Variants in CCSER1 observed in about 807,000 individuals in gnomAD.
CCSER1 encodes the protein coiled-coil serine rich protein 1, also known as serine-rich coiled-coil domain-containing protein 1.
CCSER1 carries 41 observed loss-of-function variants against 82.0 expected under a neutral mutation model. The observed-to-expected ratio is 0.50, with a 90% confidence interval of 0.39 to 0.65. The LOEUF (loss-of-function observed/expected upper bound fraction) is 0.65. Among genes scored for constraint, CCSER1 ranks in the 30% least tolerant of loss-of-function variants. CCSER1 has a pLI of 0.00. For synonymous variants in CCSER1, 414 were observed against 383.9 expected, an observed-to-expected ratio of 1.08 and a Z score of -0.92; for missense variants, 1,119 against 1,064.2, an observed-to-expected ratio of 1.05 and a Z score of -0.72.
intron 1 of CCSER1, among the ~76,000 whole-genome samples, chr4:90,239,148 A>G (rs1746365735): frequency 6.6e-6 from 1 of 152,184 alleles, no homozygotes; most frequent in South Asian, 2.1e-4. Context: ...GTGCCCAGCC[A>G]GAAAGTTTTA....
intron 1 of CCSER1, among the ~76,000 whole-genome samples, chr4:90,239,666 G>A (rs1019603223): frequency 3.9e-5 from 6 of 151,990 alleles, no homozygotes; most frequent in African/African-American, 1.5e-4. Context: ...TTTTGTAAAT[G>A]TGGGCTCTTG....
intron 5 of CCSER1, among the ~76,000 whole-genome samples, chr4:90,546,234 G>A (rs1776728933): frequency 6.6e-6 from 1 of 152,074 alleles, no homozygotes; most frequent in South Asian, 2.1e-4. Context: ...GTGGATACTG[G>A]TATGACTAAA....
chr4:90,898,978 T>TA (rs1450755780), intron 8 of CCSER1, among the ~76,000 whole-genome samples: 8 of 152,180 alleles, frequency 5.3e-5, no homozygotes, highest in African/African-American at 1.4e-4. Context: ...TAATTCTGTA[T>TA]AAAATGACAT....
Position 90,490,299 on chromosome 4 carries a change from T to C in CCSER1, c.1724+21945T>C, listed in dbSNP as rs554981121. ...GATGATGAGCATTTTTTCATGTGTC[T>C]TTTGGCTGCATAAATGTCTTCTTTT... is the stretch of plus-strand genomic sequence containing the variant. On this transcript the variant is annotated intron_variant, in intron 5 of 10. Transcript: ENST00000509176. Among the ~76,000 whole-genome samples the C allele has an allele frequency of 1.7e-3, 261 of 152,354 alleles. 1 individual carries two copies. Among genetic ancestry groups the C allele is most frequent in the African/African-American group, 6.1e-3 (253 of 41,582 alleles).
intron 5 of CCSER1, among the ~76,000 whole-genome samples, chr4:90,510,093 T>G (rs1014934353): frequency 1.3e-5 from 2 of 152,274 alleles, no homozygotes; most frequent in Admixed American, 6.5e-5. Flanking sequence ...CATTGGAACA[T>G]AAGATATGAT....
intron 10 of CCSER1, among the ~76,000 whole-genome samples, chr4:91,517,903 G>T (rs551631148): frequency 5.2e-4 from 71 of 135,878 alleles, no homozygotes; most frequent in African/African-American, 1.8e-3. Context: ...GGTTTCACAG[G>T]GGGGGTATGA....
intron 10 of CCSER1, among the ~76,000 whole-genome samples, chr4:91,146,476 G>A (rs528284264): frequency 6.6e-6 from 1 of 152,190 alleles, no homozygotes; most frequent in Admixed American, 6.5e-5. Context: ...TGCAATTTTT[G>A]CAGGTAAGGA....
At chr4:91,438,725 A>AC (rs1754870675) in intron 10 of CCSER1, among the ~76,000 whole-genome samples, 3 of 152,262 alleles carry the variant, frequency 2.0e-5, no homozygotes, top group African/African-American at 7.2e-5. Flanking sequence ...AAAGAAGTAA[A>AC]ACTTTCAAAA....
chr4:91,538,698 C>CATATATTATATATATATATATATATAAT, intron 10 of CCSER1, among the ~76,000 whole-genome samples: 4 of 138,340 alleles, frequency 2.9e-5, no homozygotes, highest in African/African-American at 1.1e-4. Flanking sequence ...TATATATACA[C>CATATATTATATATATATATATATATAAT]ATATATATAT....
chr4:90,462,567 A>AAAACAAAC (rs151197323), intron 4 of CCSER1, among the ~76,000 whole-genome samples: 2,446 of 152,148 alleles, frequency 0.016, 66 homozygotes, highest in African/African-American at 0.056. Flanking sequence ...GTTGACATAT[A>AAAACAAAC]AAACAAACAA....
chr4:91,585,195 G>T (rs1264308476), intron 10 of CCSER1, among the ~76,000 whole-genome samples: 1 of 151,420 alleles, frequency 6.6e-6, no homozygotes, highest in Non-Finnish European at 1.5e-5. Context: ...GTAGTTCTCA[G>T]AATAGGTCTC....
chr4:90,600,366 T>C (rs990744207), intron 5 of CCSER1, among the ~76,000 whole-genome samples: 1 of 152,148 alleles, frequency 6.6e-6, no homozygotes, highest in African/African-American at 2.4e-5. Flanking sequence ...CTTTTTAGTT[T>C]TAGCCTTTTA....
At chr4:90,444,080 A>G (rs1164730395) in intron 4 of CCSER1, among the ~76,000 whole-genome samples, 1 of 152,024 alleles carries the variant, frequency 6.6e-6, no homozygotes, top group African/African-American at 2.4e-5. Context: ...GGTAAAGAAT[A>G]CTATAAAGTT....
Position 90,301,684 on chromosome 4 carries a change from A to G in CCSER1, c.-41-6560A>G, listed in dbSNP as rs751421403. ...GGTCTAGTTCAACCTTCATATTTTT[A>G]AGACCTATTATTATTAAAGTGACTA... On this transcript the variant is annotated intron_variant, in intron 1 of 10. Coordinates refer to ENST00000509176, the MANE Select transcript of CCSER1 (RefSeq NM_001145065.2). Among the ~76,000 whole-genome samples, 22 of 152,148 alleles carry G rather than the reference A, an allele frequency of 1.4e-4. 1 individual carries two copies. Among genetic ancestry groups the G allele is most frequent in the Admixed American group, 6.6e-5 (1 of 15,266 alleles).
intron 4 of CCSER1, among the ~76,000 whole-genome samples, chr4:90,408,496 C>A (rs182337422): frequency 7.9e-5 from 12 of 152,294 alleles, no homozygotes; most frequent in African/African-American, 2.9e-4. Flanking sequence ...GTTCTGCAGC[C>A]ACCACTGCTG....
chr4:91,144,574 A>G (rs1042211616), intron 10 of CCSER1, among the ~76,000 whole-genome samples: 1 of 149,838 alleles, frequency 6.7e-6, no homozygotes. Flanking sequence ...ACATCTTTCT[A>G]TCTTCTTGAT....
chr4:91,205,037 A>C (rs906766909), intron 10 of CCSER1, among the ~76,000 whole-genome samples: 1 of 151,750 alleles, frequency 6.6e-6, no homozygotes, highest in African/African-American at 2.4e-5. Context: ...AATTAAAACA[A>C]TAGTTATTAT....
At chr4:91,117,690 C>T (rs1206091911) in intron 10 of CCSER1, among the ~76,000 whole-genome samples, 4 of 151,810 alleles carry the variant, frequency 2.6e-5, no homozygotes, top group Non-Finnish European at 2.9e-5. Context: ...AAGCCAATGC[C>T]ATAGGCAGAA....
chr4:90,473,772 G>T (rs1027327278), intron 5 of CCSER1, among the ~76,000 whole-genome samples: 1 of 152,078 alleles, frequency 6.6e-6, no homozygotes, highest in South Asian at 2.1e-4. Context: ...GGTTATATTG[G>T]AGACATATCA....
Sources: gnomAD v4.1 joint callset for allele counts (sites outside exome capture counted in the v4.1 genomes callset) on GRCh38, gnomAD v4.1.1 for gene constraint, MANE v1.5 for transcripts, NCBI Gene and HGNC (gene_info 2026-07-23, HGNC 2026-07-21) for gene names.